The following CPVL variants were observed in gnomAD, a reference collection of about 807,000 sequenced individuals.
CPVL encodes carboxypeptidase vitellogenic like.
CPVL carries 51 observed loss-of-function variants against 63.7 expected under a neutral mutation model. The ratio of observed to expected loss-of-function variants is 0.80; its 90% CI spans 0.64 to 1.01. The LOEUF is 1.01. CPVL is among the 50% of genes least tolerant of loss of function. CPVL has a pLI of 0.00. For missense variants in CPVL, 530 were observed against 573.1 expected (o/e 0.92, Z 0.77); for synonymous variants, 195 against 206.0 (o/e 0.95, Z 0.46).
intron 1 of CPVL, among the ~76,000 whole-genome samples, chr7:29,129,259 T>G (rs781051954): frequency 2.4e-4 from 37 of 152,220 alleles, no homozygotes; most frequent in Non-Finnish European, 4.6e-4. Flanking sequence ...CCATGAATAT[T>G]TGCTCATAGA....
intron 1 of CPVL, among the ~76,000 whole-genome samples, chr7:29,131,895 C>A (rs1213022910): frequency 3.9e-5 from 6 of 152,206 alleles, no homozygotes; most frequent in Non-Finnish European, 5.9e-5. Flanking sequence ...TGATAATACT[C>A]CAGGCAGCAG....
intron 7 of CPVL, among the ~76,000 whole-genome samples, chr7:29,078,865 A>G (rs1171091362): frequency 6.6e-6 from 1 of 152,238 alleles, no homozygotes; most frequent in Admixed American, 6.5e-5. Flanking sequence ...TAATATTAAA[A>G]TCATTAAATA....
At chr7:29,043,690 A>C (rs1169441493) in intron 11 of CPVL, among the ~76,000 whole-genome samples, 1 of 152,212 alleles carries the variant, frequency 6.6e-6, no homozygotes, top group East Asian at 1.9e-4. Context: ...AACAATGATA[A>C]TAATAACAGT....
intron 7 of CPVL, among the ~76,000 whole-genome samples, chr7:29,086,163 G>T (rs1383081237): frequency 6.6e-6 from 1 of 152,024 alleles, no homozygotes. Context: ...ATGGTGGCAG[G>T]CGCCTGTAAT....
intron 9 of CPVL, among the ~76,000 whole-genome samples, chr7:29,069,577 C>A (rs930074883): frequency 6.6e-6 from 1 of 152,068 alleles, no homozygotes; most frequent in African/African-American, 2.4e-5. Context: ...GAGGATCAGT[C>A]ATTTCACATC....
intron 3 of CPVL, among the ~76,000 whole-genome samples, chr7:29,097,950 C>G (rs1457130244): frequency 1.3e-5 from 2 of 152,122 alleles, no homozygotes; most frequent in Non-Finnish European, 2.9e-5. Context: ...GGCACAGTCG[C>G]CAGGCGAATC....
chr7:29,016,942 A>G (rs565964486), intron 12 of CPVL, among the ~76,000 whole-genome samples: 114 of 152,320 alleles, frequency 7.5e-4, no homozygotes, highest in Non-Finnish European at 1.2e-3. Flanking sequence ...ATGACTTCCT[A>G]TTTCTAGAGT....
intron 5 of CPVL, among the ~76,000 whole-genome samples, chr7:29,177,515 C>T (rs958515062): frequency 1.3e-5 from 2 of 151,372 alleles, no homozygotes; most frequent in African/African-American, 2.4e-5. Flanking sequence ...TGGCCTCCCA[C>T]AGTGCTGGGA....
At position 29,166,279 on chromosome 7, in the gene CPVL, C is replaced by G. The variant is rs1261272773; in HGVS notation, c.-11+15011G>C. Among the ~76,000 whole-genome samples, 3 of 152,280 alleles carry G rather than the reference C, an allele frequency of 2.0e-5. No individual in the cohort carries two copies. In the East Asian group the frequency reaches 5.8e-4, roughly 29 times the overall value. ...AAACTCCTGGCCTCAATCCTCCCAT[C>G]TCAACCTCTCAGAATGCTGGGATTA... On this transcript the variant is annotated intron_variant, in intron 5 of 16. Coordinates refer to the CPVL transcript ENST00000409850.
chr7:29,021,162 GA>G (rs928399083), intron 12 of CPVL, among the ~76,000 whole-genome samples: 64 of 137,402 alleles, frequency 4.7e-4, no homozygotes, highest in South Asian at 4.6e-4. Flanking sequence ...TCTGTCTCAA[GA>G]AAAAAAAAAA....
At chr7:29,125,937 G>T (rs978308454) in intron 1 of CPVL, among the ~76,000 whole-genome samples, 1 of 152,196 alleles carries the variant, frequency 6.6e-6, no homozygotes, top group Non-Finnish European at 1.5e-5. Flanking sequence ...TGGTAAGACA[G>T]TAACTTCTCT....
intron 12 of CPVL, among the ~76,000 whole-genome samples, chr7:28,998,777 G>A (rs992671458): frequency 1.3e-5 from 2 of 151,940 alleles, no homozygotes; most frequent in African/African-American, 2.4e-5. Flanking sequence ...CTCCAGCCTG[G>A]GCAACAAAAG....
rs1584189757 is a variant in CPVL at position 29,076,735 on chromosome 7, A to G, written c.610-4312T>C. Among the ~76,000 whole-genome samples, 2 of 152,336 alleles carry G rather than the reference A, an allele frequency of 1.3e-5. 1 individual carries two copies. Among genetic ancestry groups the G allele is most frequent in the Non-Finnish European group, 2.9e-5 (2 of 68,034 alleles). ...ACCAGAGGTATTAGGGTGTGTTTGT[A>G]CATGCTTGTATTTGCTGGAGCTTAA... On this transcript the variant is annotated intron_variant, in intron 7 of 12. Coordinates refer to ENST00000265394, the MANE Select transcript of CPVL (RefSeq NM_031311.5).
intron 1 of CPVL, among the ~76,000 whole-genome samples, chr7:29,187,529 G>C (rs1798864584): frequency 6.6e-6 from 1 of 152,158 alleles, no homozygotes; most frequent in Non-Finnish European, 1.5e-5. Flanking sequence ...TTTGAGACCA[G>C]CCTAGCCAAC....
intron 12 of CPVL, among the ~76,000 whole-genome samples, chr7:29,000,591 A>T (rs1425155348): frequency 6.6e-6 from 1 of 152,130 alleles, no homozygotes; most frequent in Non-Finnish European, 1.5e-5. Flanking sequence ...GAATAGAGGG[A>T]AACAGAAGAG....
At chr7:29,049,122 C>T (rs1044923931) in intron 11 of CPVL, among the ~76,000 whole-genome samples, 2 of 151,426 alleles carry the variant, frequency 1.3e-5, no homozygotes, top group Non-Finnish European at 3.0e-5. Context: ...GAAACAAGAA[C>T]AAACCAAACC....
intron 1 of CPVL, among the ~76,000 whole-genome samples, chr7:29,190,258 G>A (rs889864817): frequency 6.6e-6 from 1 of 152,198 alleles, no homozygotes; most frequent in Non-Finnish European, 1.5e-5. Context: ...TTCAGGGTAC[G>A]GTAGAGTACT....
chr7:29,180,263 C>T (rs1797895541), intron 5 of CPVL, among the ~76,000 whole-genome samples: 1 of 152,144 alleles, frequency 6.6e-6, no homozygotes, highest in African/African-American at 2.4e-5. Context: ...TGGTGGCTCA[C>T]GCCTGTAATC....
chr7:29,163,334 C>CTAAAA (rs1458037440), intron 5 of CPVL, among the ~76,000 whole-genome samples: 20 of 151,910 alleles, frequency 1.3e-4, no homozygotes, highest in African/African-American at 4.3e-4. Context: ...TTAAAATACT[C>CTAAAA]TATATTGAAT....
Sources: allele counts gnomAD v4.1 joint callset (sites outside exome capture counted in the v4.1 genomes callset), GRCh38; gene constraint gnomAD v4.1.1; transcripts MANE v1.5; gene names NCBI Gene and HGNC (gene_info 2026-07-23, HGNC 2026-07-21).